Variants in PARP8 observed in about 807,000 individuals in gnomAD.
PARP8 encodes poly(ADP-ribose) polymerase family member 8.
PARP8 carries 51 observed loss-of-function variants against 124.1 expected under a neutral mutation model. That is an observed-to-expected ratio of 0.41 (90% CI 0.33 to 0.52). The LOEUF (loss-of-function observed/expected upper bound fraction) is 0.52. Ranked by LOEUF, PARP8 falls within the 20% of genes least tolerant of loss-of-function variation. The probability of loss-of-function intolerance (pLI) is 0.21; values close to 1 mark genes in which losing one functional copy is unlikely to be tolerated. For missense variants in PARP8, 860 were observed against 1,018.9 expected (o/e 0.84, Z 2.12); for synonymous variants, 391 against 361.5 (o/e 1.08, Z -0.93).
chr5:50,676,708 C>A (rs901339022), intron 2 of PARP8, among the ~76,000 whole-genome samples: 1 of 152,128 alleles, frequency 6.6e-6, no homozygotes, highest in East Asian at 1.9e-4. Context: ...TATTTCATTT[C>A]TTTGATAAAT....
chr5:50,681,212 T>A (rs548809435), intron 2 of PARP8, among the ~76,000 whole-genome samples: 1 of 152,272 alleles, frequency 6.6e-6, no homozygotes, highest in East Asian at 1.9e-4. Context: ...ATCTTAAATA[T>A]CTCTTGTTTT....
At chr5:50,837,599 A>T (rs1188276679) in intron 25 of PARP8, among the ~76,000 whole-genome samples, 1 of 152,144 alleles carries the variant, frequency 6.6e-6, no homozygotes, top group East Asian at 1.9e-4. Context: ...AGGTAACAAT[A>T]TTAAAAATTA....
intron 14 of PARP8, among the ~76,000 whole-genome samples, chr5:50,801,553 T>G (rs1265886220): frequency 1.3e-5 from 2 of 152,248 alleles, no homozygotes; most frequent in African/African-American, 2.4e-5. Flanking sequence ...ATACTCTTTG[T>G]TTCATTCCTG....
chr5:50,813,181 G>A (rs1233156079), intron 14 of PARP8, among the ~76,000 whole-genome samples: 1 of 152,116 alleles, frequency 6.6e-6, no homozygotes, highest in Non-Finnish European at 1.5e-5. Context: ...AATTACCTTG[G>A]GCAGTATGGC....
chr5:50,830,471 T>A (rs1437712759), intron 22 of PARP8, among the ~76,000 whole-genome samples: 4 of 152,216 alleles, frequency 2.6e-5, no homozygotes, highest in African/African-American at 9.6e-5. Context: ...AAACTTGTGC[T>A]GTGCAGGAGC....
At position 50,795,344 on chromosome 5, in the gene PARP8, G is replaced by A; in HGVS notation, c.1355G>A (p.Gly452Asp). ...TELFKEPNAE[G>D]RRLSLTSGLI... ...CTTTTCAAGGAACCTAACGCAGAGG[G>A]CAGGAGGCTCTCTCTTACCTCAGGG... Residue 452 changes from glycine to aspartate, a missense_variant, in exon 12 of 26, where the codon GGC becomes GAC. Coordinates refer to ENST00000281631, the MANE Select transcript of PARP8 (RefSeq NM_024615.4). 2 of 1,614,124 alleles carry A rather than the reference G, an allele frequency of 1.2e-6. No homozygotes were observed. The highest frequency in any genetic ancestry group is 1.7e-6 in the Non-Finnish European group (2 of 1,180,020).
chr5:50,689,108 A>T (rs1281257483), intron 2 of PARP8, among the ~76,000 whole-genome samples: 1 of 131,270 alleles, frequency 7.6e-6, no homozygotes, highest in African/African-American at 3.0e-5. Flanking sequence ...TGCTGTTTTG[A>T]CCCTCTGGCT....
chr5:50,815,603 T>C, intron 15 of PARP8, 79 bp downstream of exon 15: 5 of 987,298 alleles, frequency 5.1e-6, no homozygotes, highest in Non-Finnish European at 5.7e-6. Context: ...TTCATTCTGC[T>C]ATTCTTTGGG....
At chr5:50,804,884 T>A (rs1008595966) in intron 14 of PARP8, among the ~76,000 whole-genome samples, 9 of 152,158 alleles carry the variant, frequency 5.9e-5, no homozygotes, top group Admixed American at 5.9e-4. Context: ...AAAGAGTGCG[T>A]TTACGTAGAG....
At chr5:50,841,084 A>G (rs1280686896) in intron 25 of PARP8, among the ~76,000 whole-genome samples, 1 of 151,866 alleles carries the variant, frequency 6.6e-6, no homozygotes, top group African/African-American at 2.4e-5. Flanking sequence ...AGGAAAAGAT[A>G]GTGGCTAGTA....
intron 1 of PARP8, 141 bp downstream of exon 1, chr5:50,667,327 G>C: frequency 1.1e-6 from 1 of 902,364 alleles, no homozygotes; most frequent in Non-Finnish European, 1.8e-6. Context: ...TGCAACGAGC[G>C]CGGGAGCCAA....
At chr5:50,799,983 T>C (rs1390008729) in intron 14 of PARP8, among the ~76,000 whole-genome samples, 1 of 152,210 alleles carries the variant, frequency 6.6e-6, no homozygotes, top group African/African-American at 2.4e-5. Context: ...TTTGTTGTTA[T>C]AAGCCACCCA....
At chr5:50,736,933 G>A (rs111928690) in intron 2 of PARP8, among the ~76,000 whole-genome samples, 6 of 152,256 alleles carry the variant, frequency 3.9e-5, no homozygotes, top group African/African-American at 1.4e-4. Context: ...TACTGATCAA[G>A]GTGATAAAAT....
At chr5:50,816,834 C>G (rs1745158495) in intron 15 of PARP8, among the ~76,000 whole-genome samples, 1 of 151,974 alleles carries the variant, frequency 6.6e-6, no homozygotes, top group Admixed American at 6.6e-5. Flanking sequence ...TTTTTCTTTT[C>G]CATCCTTCTT....
In PARP8 at chr5:50,781,797, T is replaced by C. The variant is rs559365593; in HGVS notation, c.670+3147T>C. On this transcript the variant is annotated intron_variant, in intron 9 of 25. Coordinates refer to ENST00000281631, the MANE Select transcript of PARP8 (RefSeq NM_024615.4). ...GCCTAGCTACTCTGTTTCAGGTCTG[T>C]ACAAATTCTAAGTTGTAATGCATGC... Among the ~76,000 whole-genome samples, 208 of 152,332 alleles carry C rather than the reference T, an allele frequency of 1.4e-3. 1 individual carries two copies. Among genetic ancestry groups the C allele is most frequent in the African/African-American group, 5.0e-3 (206 of 41,578 alleles).
At chr5:50,807,549 GT>G (rs755517992) in intron 14 of PARP8, among the ~76,000 whole-genome samples, 20 of 152,066 alleles carry the variant, frequency 1.3e-4, no homozygotes, top group Non-Finnish European at 1.6e-4. Context: ...TCTTCAGGTT[GT>G]TTTTGAAAAA....
chr5:50,681,066 T>C (rs1172589569), intron 2 of PARP8, among the ~76,000 whole-genome samples: 3 of 152,118 alleles, frequency 2.0e-5, no homozygotes, highest in Non-Finnish European at 4.4e-5. Context: ...TCCCTAGTAA[T>C]ACAGCACAAA....
chr5:50,760,448 G>A (rs906864064), intron 5 of PARP8, 86 bp downstream of exon 5: 6 of 1,078,472 alleles, frequency 5.6e-6, no homozygotes, highest in African/African-American at 3.3e-5. Context: ...AGCATCATTA[G>A]TGAGACTAAA....
intron 7 of PARP8, among the ~76,000 whole-genome samples, chr5:50,774,540 G>T (rs548775270): frequency 1.4e-3 from 193 of 136,852 alleles, no homozygotes; most frequent in African/African-American, 5.1e-3. Context: ...GGGCAGAGGC[G>T]CTCCTCATTT....
Sources: allele counts gnomAD v4.1 joint callset (sites outside exome capture counted in the v4.1 genomes callset), GRCh38; gene constraint gnomAD v4.1.1; transcripts MANE v1.5; gene names NCBI Gene and HGNC (gene_info 2026-07-23, HGNC 2026-07-21).